The following ZBTB41 variants were observed in gnomAD, a reference collection of about 807,000 sequenced individuals.
The protein encoded by ZBTB41 is zinc finger and BTB domain containing 41.
In ZBTB41, 42 loss-of-function variants were observed where a neutral mutation model predicts 87.6. The ratio of observed to expected loss-of-function variants is 0.48; its 90% CI spans 0.37 to 0.62. The LOEUF (loss-of-function observed/expected upper bound fraction) is 0.62. ZBTB41 is among the 20% of genes least tolerant of loss of function. The probability of loss-of-function intolerance (pLI) is 0.00; values close to 1 mark genes in which losing one functional copy is unlikely to be tolerated. For missense variants in ZBTB41, 799 were observed against 1,078.9 expected (o/e 0.74, Z 3.63); for synonymous variants, 364 against 364.0 (o/e 1.00, Z 0.00).
chr1:197,179,630 GT>G (rs1041179418), intron 6 of ZBTB41, among the ~76,000 whole-genome samples: 1 of 151,966 alleles, frequency 6.6e-6, no homozygotes, highest in African/African-American at 2.4e-5. Flanking sequence ...TGCATGTACT[GT>G]CCCTGAAGAC....
intron 1 of ZBTB41, among the ~76,000 whole-genome samples, chr1:197,201,006 C>T (rs1006681154): frequency 3.3e-5 from 5 of 152,178 alleles, no homozygotes; most frequent in Non-Finnish European, 7.3e-5. Flanking sequence ...CAAGGCACAG[C>T]TCTTCAGGAA....
Position 197,159,529 on chromosome 1 carries a change from A to G in ZBTB41, c.2560T>C (p.Leu854=). 6.2e-7 allele frequency: 1 copy of G among 1,613,966 alleles called. No individual in the cohort carries two copies. ...AGAGTATATTTTTCCAGAAAAGCTA[A>G]ATCCGCTGCTCGTGGATAATCAGTT... ...QSTDYPRAAD[L]AFLEKYTLTP... The change falls in exon 11 of 11, where the codon TTA becomes CTA. Residue 854 remains leucine, a synonymous_variant. Coordinates refer to ENST00000367405, the MANE Select transcript of ZBTB41 (RefSeq NM_194314.3).
intron 5 of ZBTB41, among the ~76,000 whole-genome samples, chr1:197,185,257 G>C (rs1158815003): frequency 6.6e-6 from 1 of 152,026 alleles, no homozygotes; most frequent in Non-Finnish European, 1.5e-5. Flanking sequence ...CATAAGCAAT[G>C]AAGTGTATAT....
rs1659566093 is a variant in ZBTB41 at position 197,174,930 on chromosome 1, C to T, written c.1985+80G>A. 8.8e-6 allele frequency: 10 copies of T among 1,136,572 alleles called. No individual in the cohort carries two copies. The South Asian group carries it at 1.3e-4, about 15-fold the overall frequency. The allele number at this position is 1,136,572 out of a possible 1,614,324, so 70.4% of individuals were successfully genotyped here. A position where few individuals can be genotyped will look rare whatever the true frequency, so the allele number is the denominator to read the frequency against. On this transcript the variant is annotated intron_variant, in intron 9 of 10. Coordinates refer to ENST00000367405, the MANE Select transcript of ZBTB41 (RefSeq NM_194314.3). ...ACTGGTTAACCTAACTTCAATTAAA[C>T]AAAGTAAACAAAAAAAGTTACAACT... is the stretch of plus-strand genomic sequence containing the variant.
At position 197,165,487 on chromosome 1, in the gene ZBTB41, G is replaced by A. The variant is rs967583277; in HGVS notation, c.2075-5473C>T. Among the ~76,000 whole-genome samples the A allele has an allele frequency of 5.9e-5, 9 of 151,942 alleles. 1 individual carries two copies. Among genetic ancestry groups the A allele is most frequent in the Non-Finnish European group, 7.4e-5 (5 of 67,982 alleles). On this transcript the variant is annotated intron_variant, in intron 10 of 10. Coordinates refer to ENST00000367405, the MANE Select transcript of ZBTB41 (RefSeq NM_194314.3). ...TAGCCGGGCATGGTGGCAGGCGCCT[G>A]TAGTCCCAGCTACTCAGGAGGCTGA...
chr1:197,180,463 G>T (rs1414756022), intron 6 of ZBTB41, among the ~76,000 whole-genome samples: 3 of 152,116 alleles, frequency 2.0e-5, no homozygotes, highest in African/African-American at 7.2e-5. Flanking sequence ...TGAAATAAAA[G>T]TAGAGTTTTG....
At chr1:197,190,522 A>C (rs1232056715) in intron 4 of ZBTB41, among the ~76,000 whole-genome samples, 1 of 152,224 alleles carries the variant, frequency 6.6e-6, no homozygotes, top group African/African-American at 2.4e-5. Context: ...CCATAAATAC[A>C]TGGTATGGTG....
At chr1:197,178,357 A>G in intron 7 of ZBTB41, 60 bp downstream of exon 7, 1 of 1,172,310 alleles carries the variant, frequency 8.5e-7, no homozygotes, top group Non-Finnish European at 1.2e-6. Flanking sequence ...AAGAAAATAG[A>G]ACTAAAATAG....
At chr1:197,187,171 C>T (rs1659906181) in intron 5 of ZBTB41, among the ~76,000 whole-genome samples, 1 of 152,170 alleles carries the variant, frequency 6.6e-6, no homozygotes, top group South Asian at 2.1e-4. Flanking sequence ...TATACTCTTA[C>T]CATCTGATCC....
chr1:197,188,051 G>A (rs970299869), intron 5 of ZBTB41, among the ~76,000 whole-genome samples: 1 of 152,144 alleles, frequency 6.6e-6, no homozygotes, highest in African/African-American at 2.4e-5. Context: ...TAGGTTCTTC[G>A]ATTGTAACAA....
At chr1:197,165,482 C>T (rs1250143288) in intron 10 of ZBTB41, among the ~76,000 whole-genome samples, 1 of 151,626 alleles carries the variant, frequency 6.6e-6, no homozygotes, top group Non-Finnish European at 1.5e-5. Context: ...TGGTGGCAGG[C>T]GCCTGTAGTC....
intron 6 of ZBTB41, among the ~76,000 whole-genome samples, chr1:197,179,263 C>T (rs966829110): frequency 6.6e-6 from 1 of 152,080 alleles, no homozygotes; most frequent in Non-Finnish European, 1.5e-5. Context: ...AATGACAGAC[C>T]ACATAAACAA....
At chr1:197,180,624 GT>G (rs753760033) in intron 6 of ZBTB41, among the ~76,000 whole-genome samples, 8 of 148,030 alleles carry the variant, frequency 5.4e-5, no homozygotes, top group Non-Finnish European at 8.8e-5. Flanking sequence ...TGGGATTCTT[GT>G]TTTGCCTTGA....
chr1:197,199,850 C>T lies in ZBTB41; in HGVS notation c.624G>A (p.Gln208=), dbSNP rs555153749. The change falls in exon 2 of 11, where the codon CAG becomes CAA. Residue 208 remains glutamine, a synonymous_variant. Transcript: ENST00000367405. The part of the protein sequence containing the change: ...ELTGRLSNNH[Q]CKFCSRHFCY... ...AAAAATGTCTACTACAGAATTTGCACTGATGATTATTTGATAGTCTTCCAG... is the reference window on the plus strand; with the variant it reads ...AAAAATGTCTACTACAGAATTTGCATTGATGATTATTTGATAGTCTTCCAG... The T allele has an allele frequency of 6.2e-7, 1 of 1,610,258 alleles. No individual in the cohort carries two copies. Among genetic ancestry groups the T allele is most frequent in the Non-Finnish European group, 8.5e-7 (1 of 1,178,690 alleles).
At chr1:197,180,526 A>T (rs1659719117) in intron 6 of ZBTB41, among the ~76,000 whole-genome samples, 1 of 150,956 alleles carries the variant, frequency 6.6e-6, no homozygotes, top group Non-Finnish European at 1.5e-5. Context: ...TCTGTAGATA[A>T]CACCCAGCTT....
chr1:197,188,489 T>C lies in ZBTB41; in HGVS notation c.1399-50A>G, dbSNP rs373191396. ...TTAAGAGAACCTGAATTAAAAATTGTAATATTAAGCTTGTAATGAGAAGAA... is the reference window on the plus strand; with the variant it reads ...TTAAGAGAACCTGAATTAAAAATTGCAATATTAAGCTTGTAATGAGAAGAA... On this transcript the variant is annotated intron_variant, in intron 4 of 10. Transcript: ENST00000367405. 1.2e-5 allele frequency: 18 copies of C among 1,484,690 alleles called. No individual in the cohort carries two copies. The African/African-American group carries it at 1.7e-4, about 14-fold the overall frequency. The allele number at this position is 1,484,690 out of a possible 1,614,324, so 92.0% of individuals were successfully genotyped here. A position where few individuals can be genotyped will look rare whatever the true frequency, so the allele number is the denominator to read the frequency against.
chr1:197,156,370 C>G lies in ZBTB41; in HGVS notation c.*2989G>C, dbSNP rs1016457999. 7 of 152,164 alleles carry G rather than the reference C, an allele frequency of 4.6e-5. No homozygotes were observed. Among genetic ancestry groups the G allele is most frequent in the Admixed American group, 4.6e-4 (7 of 15,218 alleles). The allele number at this position is 152,164 out of a possible 1,614,324, so 9.4% of individuals were successfully genotyped here. On this transcript the variant is annotated 3_prime_UTR_variant, in exon 11 of 11. Coordinates refer to ENST00000367405, the MANE Select transcript of ZBTB41 (RefSeq NM_194314.3). The stretch of plus-strand genomic sequence containing the variant: ...CCCATTAGATTAACACATTCCTGCA[C>G]TTGATAAATTATTCAATTTACAGAT...
intron 2 of ZBTB41, among the ~76,000 whole-genome samples, chr1:197,196,579 T>C (rs1320507838): frequency 6.6e-6 from 1 of 152,222 alleles, no homozygotes; most frequent in Non-Finnish European, 1.5e-5. Context: ...TCTAAAATTC[T>C]TACAGGCCAT....
At chr1:197,165,647 T>C (rs1571647414) in intron 10 of ZBTB41, among the ~76,000 whole-genome samples, 1 of 148,598 alleles carries the variant, frequency 6.7e-6, no homozygotes, top group Non-Finnish European at 1.5e-5. Flanking sequence ...AAAAGTGAGG[T>C]ATGGAAGGTA....
Sources: gnomAD v4.1 joint callset for allele counts (sites outside exome capture counted in the v4.1 genomes callset) on GRCh38, gnomAD v4.1.1 for gene constraint, MANE v1.5 for transcripts, NCBI Gene and HGNC (gene_info 2026-07-23, HGNC 2026-07-21) for gene names.